The following DPYD variants were observed in gnomAD, a reference collection of about 807,000 sequenced individuals.
DPYD encodes dihydropyrimidine dehydrogenase [NADP(+)].
A neutral mutation model predicts 116.2 loss-of-function variants in DPYD; 109 were observed. That is an observed-to-expected ratio of 0.94 (90% CI 0.80 to 1.10). The LOEUF (loss-of-function observed/expected upper bound fraction) is 1.10, where lower values mean the gene tolerates loss of function less well. Ranked by LOEUF, DPYD falls within the 50% of genes least tolerant of loss-of-function variation. The pLI is 0.00. For missense variants in DPYD, 1,302 were observed against 1,254.5 expected (o/e 1.04, Z -0.57); for synonymous variants, 440 against 432.0 (o/e 1.02, Z -0.23).
chr1:97,374,586 G>C (rs1160047805), intron 15 of DPYD, among the ~76,000 whole-genome samples: 1 of 151,808 alleles, frequency 6.6e-6, no homozygotes, highest in Non-Finnish European at 1.5e-5. Flanking sequence ...GGGCATGGTG[G>C]TGGGCGCCTG....
At chr1:97,806,420 A>T (rs1307711022) in intron 3 of DPYD, among the ~76,000 whole-genome samples, 1 of 151,710 alleles carries the variant, frequency 6.6e-6, no homozygotes, top group African/African-American at 2.4e-5. Context: ...TGTTGAGCAC[A>T]CTCTCAGGTT....
chr1:97,272,985 T>C (rs1209677582), intron 18 of DPYD, among the ~76,000 whole-genome samples: 1 of 152,028 alleles, frequency 6.6e-6, no homozygotes, highest in African/African-American at 2.4e-5. Flanking sequence ...TAAGCTGAAG[T>C]CAATGTACAA....
chr1:97,188,024 C>T (rs1658114204), intron 20 of DPYD, among the ~76,000 whole-genome samples: 1 of 152,056 alleles, frequency 6.6e-6, no homozygotes, highest in South Asian at 2.1e-4. Flanking sequence ...CAGCTTTGAA[C>T]TTTTTGTCAA....
At chr1:97,566,508 T>C (rs1381283244) in intron 11 of DPYD, among the ~76,000 whole-genome samples, 1 of 152,182 alleles carries the variant, frequency 6.6e-6, no homozygotes, top group Non-Finnish European at 1.5e-5. Context: ...CTTATATTAA[T>C]CCTTAATAAG....
rs1016861591 is a variant in DPYD, at chr1:97,691,691, C to T, written c.762+26G>A. On this transcript the variant is annotated intron_variant, in intron 7 of 22. Coordinates refer to ENST00000370192, the MANE Select transcript of DPYD (RefSeq NM_000110.4). ...CTTACTCCTTTCTTTTTGAGCAGTACACAGATAGGTGTTTTTTTCATTTAC... is the reference window on the plus strand; with the variant it reads ...CTTACTCCTTTCTTTTTGAGCAGTATACAGATAGGTGTTTTTTTCATTTAC... 9 of 1,588,760 alleles carry T rather than the reference C, an allele frequency of 5.7e-6. No homozygotes were observed. The African/African-American group carries it at 6.7e-5, about 12-fold the overall frequency.
At chr1:97,876,140 A>G (rs1671903892) in intron 2 of DPYD, among the ~76,000 whole-genome samples, 1 of 152,044 alleles carries the variant, frequency 6.6e-6, no homozygotes. Flanking sequence ...AAAACACTCA[A>G]TAATGCGTCA....
intron 13 of DPYD, among the ~76,000 whole-genome samples, chr1:97,501,736 A>G (rs1242338470): frequency 6.6e-6 from 1 of 152,052 alleles, no homozygotes; most frequent in Non-Finnish European, 1.5e-5. Context: ...GCAGTTGTAG[A>G]CACAAATCCT....
At chr1:97,344,610 C>G (rs887743411) in intron 16 of DPYD, among the ~76,000 whole-genome samples, 1 of 151,704 alleles carries the variant, frequency 6.6e-6, no homozygotes, top group South Asian at 2.1e-4. Context: ...CACACACACA[C>G]ACACTACATT....
intron 19 of DPYD, among the ~76,000 whole-genome samples, chr1:97,227,330 T>C: frequency 7.0e-5 from 1 of 14,214 alleles, no homozygotes; most frequent in Non-Finnish European, 1.1e-4. Flanking sequence ...AGACTCTATC[T>C]CAAAAAAAAA....
At chr1:97,751,460 G>GTGTATATATA (rs763260651) in intron 3 of DPYD, among the ~76,000 whole-genome samples, 854 of 21,166 alleles carry the variant, frequency 0.04, 41 homozygotes, top group Non-Finnish European at 0.046. Flanking sequence ...GTGTGTGTGT[G>GTGTATATATA]TATATATATA....
intron 16 of DPYD, among the ~76,000 whole-genome samples, chr1:97,323,406 ATATGTACACGTATATATACATATGTG>A (rs1668464868): frequency 1.1e-5 from 1 of 95,018 alleles, no homozygotes. Flanking sequence ...ACATATGTGT[ATATGTACACGTATATATACATATGTG>A]TATATGTACA....
chr1:97,346,825 C>T (rs982128360), intron 16 of DPYD, among the ~76,000 whole-genome samples: 3 of 151,732 alleles, frequency 2.0e-5, no homozygotes, highest in Non-Finnish European at 2.9e-5. Context: ...GTGTCAAAAC[C>T]CCTATCTTAA....
chr1:97,378,117 G>T (rs1671742514), intron 15 of DPYD, among the ~76,000 whole-genome samples: 3 of 152,294 alleles, frequency 2.0e-5, no homozygotes, highest in Non-Finnish European at 4.4e-5. Context: ...AGTTCTCTGG[G>T]ATCTTAAACC....
intron 3 of DPYD, among the ~76,000 whole-genome samples, chr1:97,757,498 C>A (rs1665314159): frequency 6.6e-6 from 1 of 151,944 alleles, no homozygotes; most frequent in Non-Finnish European, 1.5e-5. Flanking sequence ...TCAGCAGCAG[C>A]CACACCAGGT....
intron 11 of DPYD, among the ~76,000 whole-genome samples, chr1:97,556,316 T>C (rs1651700973): frequency 6.8e-6 from 1 of 146,346 alleles, no homozygotes; most frequent in Non-Finnish European, 1.5e-5. Context: ...TGCTGCTTTT[T>C]TCTATTCCCT....
chr1:97,471,792 G>T (rs553266642), intron 13 of DPYD, among the ~76,000 whole-genome samples: 7 of 152,146 alleles, frequency 4.6e-5, no homozygotes, highest in African/African-American at 1.7e-4. Context: ...GTTTCACCAT[G>T]TTGGCCACCC....
chr1:97,251,964 C>A (rs1418413229), intron 18 of DPYD, among the ~76,000 whole-genome samples: 3 of 152,110 alleles, frequency 2.0e-5, no homozygotes, highest in African/African-American at 7.2e-5. Flanking sequence ...TCTGTTTCTG[C>A]ACTTTATGCC....
chr1:97,551,916 T>C (rs76851297), intron 11 of DPYD, among the ~76,000 whole-genome samples: 11,240 of 152,208 alleles, frequency 0.074, 588 homozygotes, highest in Non-Finnish European at 0.11. Flanking sequence ...ATACAGCATA[T>C]ACATTGTATT....
chr1:97,146,131 T>C (rs1341655024), intron 20 of DPYD, among the ~76,000 whole-genome samples: 1 of 152,096 alleles, frequency 6.6e-6, no homozygotes, highest in Admixed American at 6.5e-5. Flanking sequence ...TGTCTGTTGA[T>C]TTATTTGCTT....
Sources: allele counts gnomAD v4.1 joint callset (sites outside exome capture counted in the v4.1 genomes callset), GRCh38; gene constraint gnomAD v4.1.1; transcripts MANE v1.5; gene names NCBI Gene and HGNC (gene_info 2026-07-23, HGNC 2026-07-21).